Variants in PHF14 observed in about 807,000 individuals in gnomAD.
PHF14 encodes PHD finger protein 14.
In PHF14, 55 loss-of-function variants were observed where a neutral mutation model predicts 117.9. The ratio of observed to expected loss-of-function variants is 0.47; its 90% CI spans 0.38 to 0.58. The LOEUF (loss-of-function observed/expected upper bound fraction) is 0.58. Among genes scored for constraint, PHF14 ranks in the 20% least tolerant of loss-of-function variants. PHF14 has a pLI of 0.00. For missense variants in PHF14, 978 were observed against 1,122.2 expected (o/e 0.87, Z 1.84); for synonymous variants, 409 against 368.6 (o/e 1.11, Z -1.26).
At chr7:11,087,594 A>T (rs1008215574) in intron 16 of PHF14, among the ~76,000 whole-genome samples, 4 of 152,142 alleles carry the variant, frequency 2.6e-5, no homozygotes, top group Non-Finnish European at 5.9e-5. Flanking sequence ...ATTGACTTCT[A>T]AGGAATCTTT....
At position 11,027,533 on chromosome 7, in the gene PHF14, G is replaced by C. The variant is rs563655142; in HGVS notation, c.1318-1148G>C. 5.5e-4 allele frequency among the ~76,000 whole-genome samples: 84 copies of C among 151,944 alleles called. No individual in the cohort carries two copies. The South Asian group carries it at 0.017, about 30-fold the overall frequency. Reference sequence around the variant, plus strand: ...AGCTAATTCCCCCTTTTTCTTTTAAGAGATAGTTAAAGGAATAAAAAAATA... The same window carrying C: ...AGCTAATTCCCCCTTTTTCTTTTAACAGATAGTTAAAGGAATAAAAAAATA... On this transcript the variant is annotated intron_variant, in intron 6 of 17. Coordinates refer to ENST00000634607, the MANE Select transcript of PHF14 (RefSeq NM_001007157.2).
chr7:10,980,376 C>G (rs1448386648), intron 2 of PHF14, among the ~76,000 whole-genome samples: 2 of 152,102 alleles, frequency 1.3e-5, no homozygotes, highest in Non-Finnish European at 2.9e-5. Flanking sequence ...AAAAATCTTT[C>G]TGTGTCTTAG....
chr7:10,999,530 G>C (rs1289645893), intron 4 of PHF14, among the ~76,000 whole-genome samples: 2 of 152,078 alleles, frequency 1.3e-5, no homozygotes, highest in Non-Finnish European at 2.9e-5. Flanking sequence ...CTATTTTGTT[G>C]TTTTTGAGTC....
At chr7:11,112,550 TC>T (rs145099742) in intron 17 of PHF14, among the ~76,000 whole-genome samples, 2,144 of 152,166 alleles carry the variant, frequency 0.014, 44 homozygotes, top group African/African-American at 0.049. Flanking sequence ...GGGAGGTGGA[TC>T]ATGAGGTCAG....
chr7:10,975,058 C>G, intron 2 of PHF14, 113 bp downstream of exon 2: 1 of 674,616 alleles, frequency 1.5e-6, no homozygotes, highest in East Asian at 2.8e-5. Flanking sequence ...AGCACGTAAA[C>G]TTCATTTATT....
chr7:10,982,366 C>T lies in PHF14; in HGVS notation c.113-6C>T, dbSNP rs1417008650. The stretch of plus-strand genomic sequence containing the variant: ...TGTGGTTTTTTTTTTCTCATATTTT[C>T]AACAGATTCTGAAGGGAGTGGTAAT... On this transcript the variant is annotated splice_polypyrimidine_tract_variant and splice_region_variant and intron_variant, in intron 2 of 17. Transcript: ENST00000634607. 4.0e-6 allele frequency: 6 copies of T among 1,497,396 alleles called. No individual in the cohort carries two copies. The highest frequency in any genetic ancestry group is 4.4e-6 in the Non-Finnish European group (5 of 1,123,602). 92.8% of individuals were successfully genotyped at this position (1,497,396 alleles called of 1,614,324 possible).
At chr7:11,119,406 C>A (rs58442127) in intron 17 of PHF14, among the ~76,000 whole-genome samples, 2,149 of 151,772 alleles carry the variant, frequency 0.014, 46 homozygotes, top group African/African-American at 0.049. Context: ...TATCATAGAT[C>A]GTACTGTTAT....
At chr7:11,009,648 T>A (rs889095365) in intron 4 of PHF14, among the ~76,000 whole-genome samples, 19 of 152,344 alleles carry the variant, frequency 1.2e-4, no homozygotes, top group African/African-American at 4.6e-4. Flanking sequence ...GCTAGAACTT[T>A]GGTCTAGAGC....
chr7:10,999,897 C>T (rs919243333), intron 4 of PHF14, among the ~76,000 whole-genome samples: 1 of 152,062 alleles, frequency 6.6e-6, no homozygotes, highest in Non-Finnish European at 1.5e-5. Context: ...GATGGCAGTC[C>T]AAGTTATAAA....
intron 16 of PHF14, among the ~76,000 whole-genome samples, chr7:11,088,246 AT>A (rs559006528): frequency 3.0e-4 from 46 of 151,898 alleles, no homozygotes; most frequent in South Asian, 1.3e-3. Context: ...GTTATACCAT[AT>A]TTTTTTTATT....
chr7:11,082,790 T>A (rs1786201286), intron 16 of PHF14, among the ~76,000 whole-genome samples: 1 of 152,198 alleles, frequency 6.6e-6, no homozygotes, highest in Non-Finnish European at 1.5e-5. Context: ...TCAGTAGAAT[T>A]TTGGTTTCAT....
intron 4 of PHF14, among the ~76,000 whole-genome samples, chr7:11,008,086 A>G (rs1212815985): frequency 6.6e-6 from 1 of 152,170 alleles, no homozygotes; most frequent in African/African-American, 2.4e-5. Context: ...AATGTCAGGT[A>G]TATGTTAGTA....
chr7:11,163,397 A>C (rs1789107066), intron 17 of PHF14, among the ~76,000 whole-genome samples: 1 of 152,224 alleles, frequency 6.6e-6, no homozygotes, highest in African/African-American at 2.4e-5. Flanking sequence ...TGGTATATTA[A>C]TTGCCTTTTG....
chr7:11,003,482 A>C (rs967277659), intron 4 of PHF14, among the ~76,000 whole-genome samples: 18 of 152,172 alleles, frequency 1.2e-4, no homozygotes, highest in Non-Finnish European at 2.9e-5. Context: ...TTTTATTTTT[A>C]AATATTTTAT....
At chr7:10,994,956 C>T (rs1186728209) in intron 4 of PHF14, among the ~76,000 whole-genome samples, 2 of 152,238 alleles carry the variant, frequency 1.3e-5, no homozygotes, top group Admixed American at 6.5e-5. Flanking sequence ...TTATCCCCTT[C>T]TCTGGCCCCA....
intron 2 of PHF14, among the ~76,000 whole-genome samples, chr7:10,976,047 C>G (rs958853155): frequency 1.3e-5 from 2 of 152,140 alleles, no homozygotes; most frequent in Non-Finnish European, 2.9e-5. Context: ...TTACAGGTAA[C>G]AGGGGTATTG....
At chr7:11,135,154 A>G (rs1344935938) in intron 17 of PHF14, among the ~76,000 whole-genome samples, 2 of 152,130 alleles carry the variant, frequency 1.3e-5, no homozygotes, top group East Asian at 3.8e-4. Context: ...CTTGGAGTCA[A>G]ATTATTTAGG....
chr7:11,154,852 C>T (rs1015804310), intron 17 of PHF14, among the ~76,000 whole-genome samples: 3 of 151,902 alleles, frequency 2.0e-5, no homozygotes, highest in African/African-American at 7.3e-5. Flanking sequence ...TTCTTGCTGT[C>T]TATGAATAAT....
intron 17 of PHF14, among the ~76,000 whole-genome samples, chr7:11,167,790 A>G (rs1330126464): frequency 1.3e-5 from 2 of 152,146 alleles, no homozygotes; most frequent in East Asian, 1.9e-4. Flanking sequence ...GCACTTTGGG[A>G]GGCTGAGGCG....
Sources: gnomAD v4.1 joint callset for allele counts (sites outside exome capture counted in the v4.1 genomes callset) on GRCh38, gnomAD v4.1.1 for gene constraint, MANE v1.5 for transcripts, NCBI Gene and HGNC (gene_info 2026-07-23, HGNC 2026-07-21) for gene names.